LPAR1: variants seen among roughly 807,000 people sequenced by gnomAD.
LPAR1 encodes LPA receptor 1.
Under a neutral mutation model 23.8 loss-of-function variants are expected in LPAR1, and 5 were observed. The observed-to-expected ratio is 0.21, with a 90% CI of 0.11 to 0.44. The LOEUF is 0.44. Among genes scored for constraint, LPAR1 ranks in the 20% least tolerant of loss-of-function variants. The pLI is 0.99. For synonymous variants in LPAR1, 160 were observed against 164.7 expected (o/e 0.97, Z 0.22); for missense variants, 311 against 482.8 (o/e 0.64, Z 3.33).
chr9:111,015,675 T>C (rs1425186896), intron 2 of LPAR1, among the ~76,000 whole-genome samples: 2 of 152,086 alleles, frequency 1.3e-5, no homozygotes, highest in African/African-American at 4.8e-5. Context: ...TAATAATGCA[T>C]TGTATATTTC....
At chr9:110,973,195 G>A (rs2096474708) in intron 3 of LPAR1, among the ~76,000 whole-genome samples, 1 of 152,132 alleles carries the variant, frequency 6.6e-6, no homozygotes, top group Non-Finnish European at 1.5e-5. Context: ...TTTGACTGCA[G>A]GTAACTGAAA....
In LPAR1 at chr9:110,896,930, G is replaced by A. The variant is rs533189786; in HGVS notation, c.794-21208C>T. ...AGCCTCCCGAGTAGCTGGGACTACAGGCGCCTGCCACCACGCCTGGCTAAT... is the reference window on the plus strand; with the variant it reads ...AGCCTCCCGAGTAGCTGGGACTACAAGCGCCTGCCACCACGCCTGGCTAAT... On this transcript the variant is annotated intron_variant, in intron 5 of 5. Transcript: ENST00000683809. Among the ~76,000 whole-genome samples the A allele has an allele frequency of 2.0e-5, 3 of 151,970 alleles. No individual in the cohort carries two copies. The East Asian group carries it at 5.8e-4, about 29-fold the overall frequency.
chr9:110,983,995 GTGTAT>G (rs1375311873), intron 2 of LPAR1, among the ~76,000 whole-genome samples: 2 of 151,872 alleles, frequency 1.3e-5, no homozygotes, highest in Non-Finnish European at 2.9e-5. Flanking sequence ...TACATAGTAG[GTGTAT>G]ATATTTGTGG....
chr9:110,994,946 C>A (rs779226531), intron 2 of LPAR1, among the ~76,000 whole-genome samples: 78 of 152,288 alleles, frequency 5.1e-4, no homozygotes, highest in Non-Finnish European at 9.6e-4. Flanking sequence ...ACAGCGCAGG[C>A]AGCATCGTAC....
chr9:110,980,753 T>C (rs1031103978), intron 2 of LPAR1, among the ~76,000 whole-genome samples: 4 of 152,002 alleles, frequency 2.6e-5, no homozygotes, highest in African/African-American at 9.7e-5. Flanking sequence ...TTTATTGTAT[T>C]TTTTCAAATA....
intron 2 of LPAR1, among the ~76,000 whole-genome samples, chr9:110,987,365 T>C (rs2096804531): frequency 6.7e-6 from 1 of 150,348 alleles, no homozygotes; most frequent in South Asian, 2.1e-4. Flanking sequence ...TACATATGTT[T>C]ATATAATATA....
chr9:110,965,204 G>A (rs567149608), intron 4 of LPAR1, among the ~76,000 whole-genome samples: 1 of 152,094 alleles, frequency 6.6e-6, no homozygotes, highest in South Asian at 2.1e-4. Context: ...ATGAGAATTG[G>A]AGGAACAATC....
At chr9:110,964,902 C>G (rs1358872428) in intron 4 of LPAR1, among the ~76,000 whole-genome samples, 2 of 110,404 alleles carry the variant, frequency 1.8e-5, no homozygotes, top group Non-Finnish European at 3.4e-5. Context: ...CTCACTGTTT[C>G]ACCTAGGCTG....
intron 5 of LPAR1, among the ~76,000 whole-genome samples, chr9:110,882,219 T>C (rs2081075003): frequency 6.6e-6 from 1 of 152,198 alleles, no homozygotes; most frequent in Non-Finnish European, 1.5e-5. Flanking sequence ...ATGTTTATTG[T>C]TTTATCTTCC....
At chr9:111,003,346 G>A (rs908838381) in intron 2 of LPAR1, among the ~76,000 whole-genome samples, 12 of 152,144 alleles carry the variant, frequency 7.9e-5, no homozygotes, top group African/African-American at 2.9e-4. Flanking sequence ...GTAAGACAGA[G>A]TCAACACATG....
chr9:110,908,395 T>C (rs1442865302), intron 5 of LPAR1, among the ~76,000 whole-genome samples: 1 of 151,228 alleles, frequency 6.6e-6, no homozygotes, highest in Admixed American at 6.6e-5. Context: ...TTTATTAAAA[T>C]TTAAATGTAC....
At chr9:111,011,848 C>T (rs1206177571) in intron 2 of LPAR1, among the ~76,000 whole-genome samples, 1 of 152,090 alleles carries the variant, frequency 6.6e-6, no homozygotes, top group African/African-American at 2.4e-5. Context: ...TTCAAATTGG[C>T]CCAACTTTGA....
rs1277229738 is a variant in LPAR1, at chr9:110,873,458, C to T, written c.*1963G>A. On this transcript the variant is annotated 3_prime_UTR_variant, in exon 6 of 6. Coordinates refer to ENST00000683809, the MANE Select transcript of LPAR1 (RefSeq NM_001351411.2). ...TCGGGTCCCCACATTCTTTTCACTA[C>T]AGGTACTTTACAAGTCTGCCCTCTG... 6.6e-6 allele frequency: 1 copy of T among 152,192 alleles called. No homozygotes were observed. The highest frequency in any genetic ancestry group is 1.5e-5 in the Non-Finnish European group (1 of 68,038). The allele number at this position is 152,192 out of a possible 1,614,324, so 9.4% of individuals were successfully genotyped here. A position where few individuals can be genotyped will look rare whatever the true frequency, so the allele number is the denominator to read the frequency against.
chr9:110,890,249 T>C (rs1290101606), intron 5 of LPAR1, among the ~76,000 whole-genome samples: 1 of 152,156 alleles, frequency 6.6e-6, no homozygotes, highest in Non-Finnish European at 1.5e-5. Context: ...AGTTTGATAA[T>C]CTGAATATAC....
Position 110,972,191 on chromosome 9 carries a change from A to C in LPAR1, c.-74T>G. On this transcript the variant is annotated 5_prime_UTR_variant, in exon 4 of 6. Transcript: ENST00000683809. The stretch of plus-strand genomic sequence containing the variant: ...ACAAATTTTCTTGTTTGCTGATCAG[A>C]TCGAAGTCATGCTAGGAGAAGCTGT... 7.5e-7 allele frequency: 1 copy of C among 1,338,086 alleles called. No homozygotes were observed. The highest frequency in any genetic ancestry group is 1.1e-6 in the Non-Finnish European group (1 of 929,790). 82.9% of individuals were successfully genotyped at this position (1,338,086 alleles called of 1,614,324 possible). A position where few individuals can be genotyped will look rare whatever the true frequency, so the allele number is the denominator to read the frequency against.
intron 5 of LPAR1, among the ~76,000 whole-genome samples, chr9:110,920,551 C>A (rs1043894890): frequency 6.6e-6 from 1 of 152,030 alleles, no homozygotes; most frequent in Non-Finnish European, 1.5e-5. Flanking sequence ...GAATAACAAT[C>A]TTCTTTTCCT....
chr9:110,970,530 TCTTTATTCATATGATATGAATAAAGGG>T lies in LPAR1; in HGVS notation c.45+1516_45+1542del, dbSNP rs540487964. ...AATACTAAAGGCCTTAGTACTTTAT[TCTTTATTCATATGATATGAATAAAGGG>T]CTTTATTCATATGATAAAATCCCAA... On this transcript the variant is annotated intron_variant, in intron 4 of 5. Transcript: ENST00000683809. 3.3e-3 allele frequency among the ~76,000 whole-genome samples: 505 copies of T among 152,154 alleles called. 5 individuals are homozygous for T. The highest frequency in any genetic ancestry group is 7.8e-4 in the Non-Finnish European group (53 of 68,034).
intron 5 of LPAR1, among the ~76,000 whole-genome samples, chr9:110,916,524 G>T (rs1227094968): frequency 6.6e-6 from 1 of 152,154 alleles, no homozygotes; most frequent in African/African-American, 2.4e-5. Flanking sequence ...ATAAATTAGT[G>T]AATAATAAGT....
chr9:110,893,835 A>G (rs2031665), intron 5 of LPAR1, among the ~76,000 whole-genome samples: 68,571 of 151,862 alleles, frequency 0.45, 17,133 homozygotes, highest in African/African-American at 0.68. Context: ...GCTTACACGT[A>G]GCCTCAGTGT....
Sources: gnomAD v4.1 joint callset for allele counts (sites outside exome capture counted in the v4.1 genomes callset) on GRCh38, gnomAD v4.1.1 for gene constraint, MANE v1.5 for transcripts, NCBI Gene and HGNC (gene_info 2026-07-23, HGNC 2026-07-21) for gene names.